KCNIP4: variants seen among roughly 807,000 people sequenced by gnomAD.
KCNIP4 encodes the protein potassium voltage-gated channel interacting protein 4.
A neutral mutation model predicts 34.0 loss-of-function variants in KCNIP4; 12 were observed. The observed-to-expected ratio is 0.35, with a 90% CI of 0.23 to 0.57. KCNIP4 has a LOEUF of 0.57. Ranked by LOEUF, KCNIP4 falls within the 20% of genes least tolerant of loss-of-function variation. The probability of loss-of-function intolerance (pLI) is 0.83; values close to 1 mark genes in which losing one functional copy is unlikely to be tolerated. For missense variants in KCNIP4, 238 were observed against 311.7 expected, an observed-to-expected ratio of 0.76 and a Z score of 1.78; for synonymous variants, 124 against 102.2, an observed-to-expected ratio of 1.21 and a Z score of -1.29.
intron 1 of KCNIP4, among the ~76,000 whole-genome samples, chr4:20,931,870 A>T (rs1244700675): frequency 2.0e-5 from 3 of 151,972 alleles, no homozygotes. Context: ...ACAACAGAAG[A>T]TGATAATAGT....
intron 1 of KCNIP4, among the ~76,000 whole-genome samples, chr4:21,092,266 G>T (rs924246371): frequency 1.4e-4 from 21 of 151,772 alleles, no homozygotes; most frequent in African/African-American, 4.6e-4. Context: ...CTAAGGTATT[G>T]AGGTATTATC....
intron 1 of KCNIP4, among the ~76,000 whole-genome samples, chr4:21,125,625 G>A (rs759866233): frequency 2.0e-5 from 3 of 152,076 alleles, no homozygotes; most frequent in Non-Finnish European, 2.9e-5. Context: ...TCAGGTGACC[G>A]CACGTTGGGA....
chr4:21,625,619 C>T (rs775643012), intron 1 of KCNIP4, among the ~76,000 whole-genome samples: 2 of 152,168 alleles, frequency 1.3e-5, no homozygotes, highest in Non-Finnish European at 2.9e-5. Flanking sequence ...GTGACTTTGT[C>T]AGAGTAGCAG....
chr4:21,405,971 G>T (rs544373337), intron 1 of KCNIP4, among the ~76,000 whole-genome samples: 1 of 152,258 alleles, frequency 6.6e-6, no homozygotes, highest in African/African-American at 2.4e-5. Context: ...GAGTAGCTGG[G>T]ATTACAGGCA....
At chr4:21,400,578 CGTTCTTTCTT>C (rs1723466791) in intron 1 of KCNIP4, among the ~76,000 whole-genome samples, 2 of 78,970 alleles carry the variant, frequency 2.5e-5, no homozygotes, top group African/African-American at 7.7e-5. Context: ...CTCTTCTCTT[CGTTCTTTCTT>C]TCTTCCTTCT....
At chr4:21,256,463 A>G (rs1761073048) in intron 1 of KCNIP4, among the ~76,000 whole-genome samples, 1 of 150,778 alleles carries the variant, frequency 6.6e-6, no homozygotes, top group Non-Finnish European at 1.5e-5. Context: ...AAAGGCAGGC[A>G]TGGTGCACAC....
intron 1 of KCNIP4, among the ~76,000 whole-genome samples, chr4:21,878,902 TG>T (rs1726297710): frequency 6.6e-6 from 1 of 152,150 alleles, no homozygotes; most frequent in Non-Finnish European, 1.5e-5. Context: ...TCTCCTTAAT[TG>T]GGAGTTCCAA....
intron 1 of KCNIP4, among the ~76,000 whole-genome samples, chr4:21,771,937 T>C (rs561010984): frequency 6.6e-6 from 1 of 152,286 alleles, no homozygotes; most frequent in Non-Finnish European, 1.5e-5. Flanking sequence ...CTAATTGCCA[T>C]GGCCAGAACT....
intron 3 of KCNIP4, among the ~76,000 whole-genome samples, chr4:20,784,717 A>G (rs980816240): frequency 1.6e-4 from 25 of 152,148 alleles, no homozygotes; most frequent in African/African-American, 6.0e-4. Flanking sequence ...TGCAAGGGAT[A>G]TAAAATTGGC....
At chr4:21,138,557 T>C (rs1054371107) in intron 1 of KCNIP4, among the ~76,000 whole-genome samples, 2 of 152,004 alleles carry the variant, frequency 1.3e-5, no homozygotes, top group Non-Finnish European at 2.9e-5. Context: ...TCTCTCACCA[T>C]TGTTTTACAT....
chr4:21,257,379 A>T (rs1761129740), intron 1 of KCNIP4, among the ~76,000 whole-genome samples: 1 of 152,098 alleles, frequency 6.6e-6, no homozygotes, highest in Admixed American at 6.6e-5. Flanking sequence ...TACCCCCCAG[A>T]CAAGTGATAT....
intron 1 of KCNIP4, among the ~76,000 whole-genome samples, chr4:21,690,191 G>C (rs1370091066): frequency 6.7e-6 from 1 of 149,932 alleles, no homozygotes; most frequent in African/African-American, 2.4e-5. Flanking sequence ...GATGATCTCT[G>C]TCATGGTCAG....
intron 1 of KCNIP4, among the ~76,000 whole-genome samples, chr4:21,894,227 T>C: frequency 6.6e-6 from 1 of 151,830 alleles, no homozygotes; most frequent in East Asian, 1.9e-4. Context: ...TCCAAGACAC[T>C]TGGGAAGCTG....
chr4:21,302,764 A>G (rs549603534), intron 1 of KCNIP4, among the ~76,000 whole-genome samples: 10 of 152,128 alleles, frequency 6.6e-5, no homozygotes, highest in Admixed American at 6.5e-4. Flanking sequence ...CCTACATCAG[A>G]GTGACACACT....
At chr4:21,721,470 C>A (rs181577852) in intron 1 of KCNIP4, among the ~76,000 whole-genome samples, 1 of 152,102 alleles carries the variant, frequency 6.6e-6, no homozygotes, top group African/African-American at 2.4e-5. Context: ...AATGAAGCAC[C>A]ACCTTAAATG....
intron 1 of KCNIP4, among the ~76,000 whole-genome samples, chr4:21,947,626 G>A (rs1380265863): frequency 6.6e-6 from 1 of 152,100 alleles, no homozygotes; most frequent in East Asian, 1.9e-4. Context: ...ACACCTCTTT[G>A]CTTGCAAGTT....
chr4:21,479,713 A>G (rs1167739560), intron 1 of KCNIP4, among the ~76,000 whole-genome samples: 1 of 151,976 alleles, frequency 6.6e-6, no homozygotes, highest in Non-Finnish European at 1.5e-5. Flanking sequence ...TATTCTTAGG[A>G]AAAAAAACAT....
At chr4:21,870,724 T>C (rs1725739527) in intron 1 of KCNIP4, among the ~76,000 whole-genome samples, 2 of 152,226 alleles carry the variant, frequency 1.3e-5, no homozygotes, top group African/African-American at 4.8e-5. Context: ...CAAATTCTTT[T>C]GTGTGGCAAA....
chr4:21,405,625 T>A (rs571526573), intron 1 of KCNIP4, among the ~76,000 whole-genome samples: 55 of 152,302 alleles, frequency 3.6e-4, no homozygotes, highest in African/African-American at 1.3e-3. Context: ...AGAAATAACA[T>A]CTTTTAAACA....
Sources: allele counts gnomAD v4.1 joint callset (sites outside exome capture counted in the v4.1 genomes callset), GRCh38; gene constraint gnomAD v4.1.1; transcripts MANE v1.5; gene names NCBI Gene and HGNC (gene_info 2026-07-23, HGNC 2026-07-21).